The following AASDHPPT variants were observed in gnomAD, a reference collection of about 807,000 sequenced individuals.
AASDHPPT encodes aminoadipate-semialdehyde dehydrogenase-phosphopantetheinyl transferase.
A neutral mutation model predicts 36.4 loss-of-function variants in AASDHPPT; 23 were observed. The ratio of observed to expected loss-of-function variants is 0.63; its 90% confidence interval spans 0.45 to 0.89. The LOEUF (loss-of-function observed/expected upper bound fraction) is 0.89, where lower values mean the gene tolerates loss of function less well. Ranked by LOEUF, AASDHPPT falls within the 40% of genes least tolerant of loss-of-function variation. AASDHPPT has a pLI of 0.00. For synonymous variants in AASDHPPT, 115 were observed against 128.0 expected, an observed-to-expected ratio of 0.90 and a Z score of 0.68; for missense variants, 377 against 378.2, an observed-to-expected ratio of 1.00 and a Z score of 0.03.
At chr11:106,089,306 A>G (rs1861231223) in intron 2 of AASDHPPT, among the ~76,000 whole-genome samples, 1 of 152,038 alleles carries the variant, frequency 6.6e-6, no homozygotes, top group Non-Finnish European at 1.5e-5. Context: ...TGTGTTAATC[A>G]TTTGAGAATG....
chr11:106,082,705 G>C (rs537745448), intron 2 of AASDHPPT, among the ~76,000 whole-genome samples: 4 of 152,234 alleles, frequency 2.6e-5, no homozygotes, highest in Admixed American at 2.6e-4. Flanking sequence ...AACATACCTA[G>C]TATATAGCCT....
chr11:106,090,622 A>G lies in AASDHPPT; in HGVS notation c.475A>G (p.Thr159Ala), dbSNP rs1458482235. 6.2e-7 allele frequency: 1 copy of G among 1,602,932 alleles called. No individual in the cohort carries two copies. Among genetic ancestry groups the G allele is most frequent in the African/African-American group, 1.3e-5 (1 of 74,144 alleles). Residue 159 changes from threonine to alanine, a missense_variant, in exon 3 of 6, where the codon ACA becomes GCA. Transcript: ENST00000278618. ...AAAGTTTACCAACAAAGAATGGGAA[A>G]CAATCAGAAGCTTTAAGGATGAGTG... ...KRKFTNKEWE[T>A]IRSFKDEWTQ... is the part of the protein sequence containing the mutation.
chr11:106,087,658 A>G (rs1255306149), intron 2 of AASDHPPT, among the ~76,000 whole-genome samples: 12 of 152,168 alleles, frequency 7.9e-5, no homozygotes, highest in Admixed American at 7.9e-4. Flanking sequence ...GGCCTGAAAT[A>G]GTTGCTCAAG....
Position 106,077,685 on chromosome 11 carries a change from A to T in AASDHPPT, c.-26A>T, listed in dbSNP as rs747113482. On this transcript the variant is annotated 5_prime_UTR_variant, in exon 1 of 6. Transcript: ENST00000278618. Reference sequence around the variant, plus strand: ...TTGCGTCCGCGCCATCAGGCCCGAGATAGCGGCGAGGTCCGCTTTCAGTGT... The same window carrying T: ...TTGCGTCCGCGCCATCAGGCCCGAGTTAGCGGCGAGGTCCGCTTTCAGTGT... The T allele has an allele frequency of 6.2e-7, 1 of 1,602,654 alleles. No individual in the cohort carries two copies. The highest frequency in any genetic ancestry group is 8.5e-7 in the Non-Finnish European group (1 of 1,171,720).
At position 106,096,771 on chromosome 11, in the gene AASDHPPT, C is replaced by T. The variant is rs1426053884; in HGVS notation, c.794C>T (p.Thr265Ile). The T allele has an allele frequency of 6.2e-7, 1 of 1,606,714 alleles. No individual in the cohort carries two copies. Among genetic ancestry groups the T allele is most frequent in the Admixed American group, 1.7e-5 (1 of 58,282 alleles). ...CCATCTCAGGATGATTCCAAACCAACCCAGAGGCAATTTACTATTCTCAAC... is the reference window on the plus strand; with the variant it reads ...CCATCTCAGGATGATTCCAAACCAATCCAGAGGCAATTTACTATTCTCAAC... ...DVPSQDDSKP[T>I]QRQFTILNFN... The change falls in exon 6 of 6, where the codon ACC (threonine) becomes ATC (isoleucine). Residue 265 changes from threonine to isoleucine, a missense_variant. Thr to Ile is a moderately conservative substitution (Grantham distance 89, BLOSUM62 -1). Coordinates refer to ENST00000278618, the MANE Select transcript of AASDHPPT (RefSeq NM_015423.3).
chr11:106,096,006 A>G (rs1207591435), intron 5 of AASDHPPT, among the ~76,000 whole-genome samples: 8 of 152,202 alleles, frequency 5.3e-5, no homozygotes, highest in Admixed American at 2.0e-4. Context: ...CTAGGCCCAC[A>G]TCTACCATTT....
chr11:106,089,085 C>T (rs962004397), intron 2 of AASDHPPT, among the ~76,000 whole-genome samples: 6 of 152,050 alleles, frequency 3.9e-5, no homozygotes, highest in African/African-American at 1.2e-4. Context: ...CTGTTTTGCT[C>T]ATCATGCGGT....
chr11:106,080,190 C>T (rs992142576), intron 2 of AASDHPPT, among the ~76,000 whole-genome samples: 2 of 152,008 alleles, frequency 1.3e-5, no homozygotes, highest in Non-Finnish European at 2.9e-5. Context: ...CACAATCAAA[C>T]GTGTATCAAG....
intron 2 of AASDHPPT, among the ~76,000 whole-genome samples, chr11:106,080,197 C>G (rs1861122367): frequency 6.6e-6 from 1 of 152,014 alleles, no homozygotes; most frequent in African/African-American, 2.4e-5. Flanking sequence ...AAACGTGTAT[C>G]AAGATTCAGT....
intron 4 of AASDHPPT, chr11:106,094,054 CT>C (rs1448434279): frequency 6.6e-6 from 1 of 152,192 alleles, no homozygotes; most frequent in Non-Finnish European, 1.5e-5. Context: ...ACCTAATCCA[CT>C]CATTAAATAT....
At chr11:106,084,835 G>T (rs915354402) in intron 2 of AASDHPPT, among the ~76,000 whole-genome samples, 5 of 151,700 alleles carry the variant, frequency 3.3e-5, no homozygotes, top group Non-Finnish European at 7.4e-5. Context: ...GGCTGGTCTC[G>T]AACTTCTGAC....
intron 5 of AASDHPPT, 143 bp downstream of exon 5, chr11:106,094,797 C>A: frequency 3.7e-6 from 2 of 536,854 alleles, no homozygotes; most frequent in Non-Finnish European, 6.2e-6. Context: ...TCTTTATTAG[C>A]AAATATTAAG....
Position 106,091,466 on chromosome 11 carries a change from T to A in AASDHPPT, c.682T>A (p.Trp228Arg). The change falls in exon 4 of 6, where the codon TGG becomes AGG. Residue 228 changes from tryptophan (W) to arginine (R), a missense_variant. Transcript: ENST00000278618. ...CCTGGATGGAGAGGAAGAAAAAGAA[T>A]GGGCATTTGAGGTAAGAAATTTGTT... ...LFLDGEEEKE[W>R]AFEESKIDEH... The A allele has an allele frequency of 6.3e-7, 1 of 1,579,046 alleles. No individual in the cohort carries two copies. Among genetic ancestry groups the A allele is most frequent in the Non-Finnish European group, 8.6e-7 (1 of 1,168,948 alleles).
rs533679053 is a variant in AASDHPPT, at chr11:106,097,233, T to C, written c.*326T>C. 25 of 194,246 alleles carry C rather than the reference T, an allele frequency of 1.3e-4. 1 individual carries two copies. The highest frequency in any genetic ancestry group is 5.6e-4 in the African/African-American group (24 of 42,536). The allele number at this position is 194,246 out of a possible 1,614,324, so 12.0% of individuals were successfully genotyped here. A position where few individuals can be genotyped will look rare whatever the true frequency, so the allele number is the denominator to read the frequency against. On this transcript the variant is annotated 3_prime_UTR_variant, in exon 6 of 6. Transcript: ENST00000278618. ...TGCTATCTTTCAAAGATAACTACTCTTAAAACCTTGAGTATCTTTTCAGAC... is the reference window on the plus strand; with the variant it reads ...TGCTATCTTTCAAAGATAACTACTCCTAAAACCTTGAGTATCTTTTCAGAC...
chr11:106,082,506 C>T (rs899582455), intron 2 of AASDHPPT, among the ~76,000 whole-genome samples: 3 of 152,132 alleles, frequency 2.0e-5, no homozygotes, highest in Non-Finnish European at 4.4e-5. Flanking sequence ...ACAGAGTTGG[C>T]TTTTGGGGGT....
chr11:106,092,787 T>C (rs929589093), intron 4 of AASDHPPT: 1 of 152,176 alleles, frequency 6.6e-6, no homozygotes, highest in Non-Finnish European at 1.5e-5. Flanking sequence ...CAATATTCAA[T>C]AAATTACATG....
intron 5 of AASDHPPT, among the ~76,000 whole-genome samples, chr11:106,095,180 CA>C (rs796611174): frequency 1.3e-5 from 2 of 150,594 alleles, no homozygotes; most frequent in Admixed American, 6.6e-5. Flanking sequence ...AGTATTACAA[CA>C]AAAAAAAATA....
At chr11:106,081,362 T>A (rs1591543154) in intron 2 of AASDHPPT, among the ~76,000 whole-genome samples, 1 of 152,212 alleles carries the variant, frequency 6.6e-6, no homozygotes, top group Non-Finnish European at 1.5e-5. Flanking sequence ...ATTCCCTGGA[T>A]AAGATTCCAG....
intron 2 of AASDHPPT, among the ~76,000 whole-genome samples, chr11:106,084,523 C>T (rs1161425703): frequency 6.6e-6 from 1 of 152,106 alleles, no homozygotes; most frequent in African/African-American, 2.4e-5. Context: ...GTATTGAACT[C>T]CTGGGCTCAA....
Sources: gnomAD v4.1 joint callset for allele counts (sites outside exome capture counted in the v4.1 genomes callset) on GRCh38, gnomAD v4.1.1 for gene constraint, MANE v1.5 for transcripts, NCBI Gene and HGNC (gene_info 2026-07-23, HGNC 2026-07-21) for gene names.